Variants in ERG observed in about 807,000 individuals in gnomAD.
The protein encoded by ERG is ETS transcription factor ERG, also known as transcriptional regulator ERG.
ERG carries 9 observed loss-of-function variants against 55.3 expected under a neutral mutation model. That is an observed-to-expected ratio of 0.16 (90% CI 0.10 to 0.28). The LOEUF (loss-of-function observed/expected upper bound fraction) is 0.28. ERG is among the 10% of genes least tolerant of loss of function. The pLI is 1.00. For synonymous variants in ERG, 223 were observed against 237.3 expected (o/e 0.94, Z 0.55); for missense variants, 434 against 631.6 (o/e 0.69, Z 3.35).
At chr21:38,470,666 T>G (rs564374320) in intron 1 of ERG, 49 of 152,152 alleles carry the variant, frequency 3.2e-4, no homozygotes, top group Middle Eastern at 3.4e-3. Context: ...TCAAACTGCT[T>G]CACAGGCGAA....
At chr21:38,599,518 C>T (rs2060151741) in intron 1 of ERG, among the ~76,000 whole-genome samples, 1 of 152,180 alleles carries the variant, frequency 6.6e-6, no homozygotes, top group African/African-American at 2.4e-5. Context: ...CCCTTGTTGT[C>T]CTGTCTTCCT....
chr21:38,625,713 C>A (rs991556907), intron 1 of ERG, among the ~76,000 whole-genome samples: 15 of 152,138 alleles, frequency 9.9e-5, no homozygotes, highest in Non-Finnish European at 2.2e-4. Flanking sequence ...AACCTATATT[C>A]ATTTTCACAT....
At chr21:38,526,835 T>C (rs2059633495) in intron 2 of ERG, among the ~76,000 whole-genome samples, 1 of 152,120 alleles carries the variant, frequency 6.6e-6, no homozygotes, top group South Asian at 2.1e-4. Context: ...TATTAGAACA[T>C]ACGAAAGTAC....
intron 2 of ERG, among the ~76,000 whole-genome samples, chr21:38,525,960 A>T (rs2212598): frequency 0.17 from 25,480 of 152,272 alleles, 2,334 homozygotes; most frequent in East Asian, 0.38. Context: ...CGTTTAAAAA[A>T]AATAATAATA....
At chr21:38,417,263 T>C (rs767389041) in intron 3 of ERG, among the ~76,000 whole-genome samples, 2 of 152,226 alleles carry the variant, frequency 1.3e-5, no homozygotes, top group African/African-American at 2.4e-5. Flanking sequence ...GAAAAGGTGA[T>C]TTTAAATCTC....
intron 6 of ERG, among the ~76,000 whole-genome samples, chr21:38,398,160 G>A (rs370581321): frequency 9.2e-5 from 14 of 152,210 alleles, no homozygotes; most frequent in African/African-American, 2.2e-4. Context: ...TCTGGAGCTC[G>A]TTCAGCTCTG....
chr21:38,656,662 G>A (rs2060520977), intron 1 of ERG, among the ~76,000 whole-genome samples: 1 of 152,188 alleles, frequency 6.6e-6, no homozygotes, highest in African/African-American at 2.4e-5. Context: ...ACCAATAACA[G>A]AGAATCACTT....
chr21:38,504,351 C>G (rs2059444527), intron 2 of ERG, among the ~76,000 whole-genome samples: 1 of 152,154 alleles, frequency 6.6e-6, no homozygotes, highest in East Asian at 1.9e-4. Flanking sequence ...GCCAATTTTG[C>G]TCTTACTCAA....
At chr21:38,596,062 G>T (rs1331746782) in intron 1 of ERG, among the ~76,000 whole-genome samples, 2 of 151,124 alleles carry the variant, frequency 1.3e-5, no homozygotes, top group South Asian at 2.1e-4. Context: ...GGATTGGGGG[G>T]GGGGGGTCTC....
chr21:38,550,558 T>C (rs2059817834), intron 2 of ERG, among the ~76,000 whole-genome samples: 1 of 152,164 alleles, frequency 6.6e-6, no homozygotes, highest in Admixed American at 6.5e-5. Context: ...AGCAAGAAGA[T>C]GGACATCTAT....
chr21:38,445,168 G>A (rs1301189971), intron 2 of ERG, among the ~76,000 whole-genome samples: 4 of 140,326 alleles, frequency 2.9e-5, no homozygotes, highest in Admixed American at 7.4e-5. Context: ...GTTAGCCAGA[G>A]TCTTGCTCTG....
chr21:38,573,518 T>A (rs1379154635), intron 2 of ERG, among the ~76,000 whole-genome samples: 1 of 152,240 alleles, frequency 6.6e-6, no homozygotes, highest in South Asian at 2.1e-4. Flanking sequence ...TTTACTCCGC[T>A]GAGATGTTTG....
chr21:38,555,113 G>T (rs988612057), intron 2 of ERG, among the ~76,000 whole-genome samples: 1 of 152,094 alleles, frequency 6.6e-6, no homozygotes, highest in Non-Finnish European at 1.5e-5. Context: ...GATTACCTGA[G>T]GTCAGGAGTT....
intron 1 of ERG, among the ~76,000 whole-genome samples, chr21:38,603,318 C>T (rs1295478908): frequency 6.6e-6 from 1 of 152,062 alleles, no homozygotes; most frequent in Non-Finnish European, 1.5e-5. Context: ...AGATAAAATC[C>T]GATTAAAACA....
Position 38,641,945 on chromosome 21 carries a change from G to A in ERG, c.-150+19713C>T, listed in dbSNP as rs144908886. Among the ~76,000 whole-genome samples the A allele has an allele frequency of 6.2e-3, 945 of 152,304 alleles. 15 individuals carry two copies. The highest frequency in any genetic ancestry group is 0.021 in the African/African-American group (878 of 41,558). ...AGCCTGATTCAATTGGCCTGGGATA[G>A]GACCTGGGCATCTGCATTCTGCACT... On this transcript the variant is annotated intron_variant, in intron 1 of 10. Transcript: ENST00000398910.
At chr21:38,395,704 C>G (rs1232368316) in intron 6 of ERG, 1 of 170,452 alleles carries the variant, frequency 5.9e-6, no homozygotes, top group African/African-American at 2.4e-5. Flanking sequence ...TCGGCTAGTG[C>G]TGACCACTAC....
chr21:38,539,819 C>A (rs556065665), intron 2 of ERG, among the ~76,000 whole-genome samples: 2 of 151,662 alleles, frequency 1.3e-5, no homozygotes, highest in Non-Finnish European at 2.9e-5. Context: ...AGGTTGGCGT[C>A]TTGGAGGGTG....
intron 1 of ERG, among the ~76,000 whole-genome samples, chr21:38,458,645 T>G (rs2146590286): frequency 6.6e-6 from 1 of 152,300 alleles, no homozygotes; most frequent in South Asian, 2.1e-4. Flanking sequence ...TTCAGTCTAG[T>G]TTCACTCACG....
At chr21:38,569,802 T>C (rs1343700204) in intron 2 of ERG, among the ~76,000 whole-genome samples, 2 of 152,190 alleles carry the variant, frequency 1.3e-5, no homozygotes, top group East Asian at 1.9e-4. Context: ...AATAATATGC[T>C]TTTTAATGTT....
Sources: gnomAD v4.1 joint callset for allele counts (sites outside exome capture counted in the v4.1 genomes callset) on GRCh38, gnomAD v4.1.1 for gene constraint, MANE v1.5 for transcripts, NCBI Gene and HGNC (gene_info 2026-07-23, HGNC 2026-07-21) for gene names.